Variants in GABRB3 observed in about 807,000 individuals in gnomAD.
GABRB3 encodes the protein gamma-aminobutyric acid type A receptor subunit beta3.
GABRB3 carries 14 observed loss-of-function variants against 52.1 expected under a neutral mutation model. That is an observed-to-expected ratio of 0.27 (90% CI 0.18 to 0.42). The LOEUF (loss-of-function observed/expected upper bound fraction) is 0.42. Ranked by LOEUF, GABRB3 falls within the 10% of genes least tolerant of loss-of-function variation. GABRB3 has a pLI of 1.00. For missense variants in GABRB3, 307 were observed against 609.1 expected (o/e 0.50, Z 5.22); for synonymous variants, 260 against 232.3 (o/e 1.12, Z -1.08).
intron 3 of GABRB3, among the ~76,000 whole-genome samples, chr15:26,710,779 T>A (rs544294005): frequency 6.6e-6 from 1 of 152,064 alleles, no homozygotes; most frequent in South Asian, 2.1e-4. Flanking sequence ...CTGGGTTGTG[T>A]CTTCTTACTA....
chr15:26,592,218 A>C (rs1470828142), intron 4 of GABRB3, among the ~76,000 whole-genome samples: 2 of 152,220 alleles, frequency 1.3e-5, no homozygotes, highest in African/African-American at 4.8e-5. Flanking sequence ...CCAGACAGAA[A>C]GACCTACCCT....
chr15:26,747,011 C>T (rs546911824), intron 3 of GABRB3, among the ~76,000 whole-genome samples: 30 of 142,214 alleles, frequency 2.1e-4, no homozygotes, highest in African/African-American at 5.3e-4. Flanking sequence ...AACAAACAAA[C>T]AAACAAATAA....
chr15:26,660,342 T>C (rs1807417686), intron 3 of GABRB3, among the ~76,000 whole-genome samples: 1 of 152,246 alleles, frequency 6.6e-6, no homozygotes. Context: ...ACCGAATGTG[T>C]GTAATAAACA....
chr15:26,744,226 T>C (rs756717265), intron 3 of GABRB3, among the ~76,000 whole-genome samples: 4 of 152,196 alleles, frequency 2.6e-5, no homozygotes, highest in Non-Finnish European at 4.4e-5. Context: ...TATTTGAATT[T>C]GATATTAAAA....
chr15:26,703,573 A>C (rs908312942), intron 3 of GABRB3, among the ~76,000 whole-genome samples: 2 of 152,178 alleles, frequency 1.3e-5, no homozygotes, highest in Non-Finnish European at 2.9e-5. Context: ...AAAGTCCAAA[A>C]TCTCATCCAA....
chr15:26,772,995 C>T lies in GABRB3; in HGVS notation c.-33G>A, dbSNP rs1174339178. 2.5e-5 allele frequency: 34 copies of T among 1,335,532 alleles called. No homozygotes were observed. Among genetic ancestry groups the T allele is most frequent in the African/African-American group, 4.6e-5 (3 of 65,102 alleles). The allele number at this position is 1,335,532 out of a possible 1,614,324, so 82.7% of individuals were successfully genotyped here. ...CCGCGCCCCGGCACGGGGGAGGGGGCGCCCCGCCGCCGTCGCGACCCGCAG... is the reference window on the plus strand; with the variant it reads ...CCGCGCCCCGGCACGGGGGAGGGGGTGCCCCGCCGCCGTCGCGACCCGCAG... On this transcript the variant is annotated 5_prime_UTR_variant, in exon 1 of 9. Coordinates refer to ENST00000311550, the MANE Select transcript of GABRB3 (RefSeq NM_000814.6).
intron 6 of GABRB3, among the ~76,000 whole-genome samples, chr15:26,569,844 C>T (rs1359631765): frequency 6.6e-6 from 1 of 152,174 alleles, no homozygotes; most frequent in African/African-American, 2.4e-5. Context: ...AAACCTTGTC[C>T]TTTCAATTAC....
At chr15:26,746,479 C>T (rs1472319681) in intron 3 of GABRB3, among the ~76,000 whole-genome samples, 1 of 151,638 alleles carries the variant, frequency 6.6e-6, no homozygotes, top group Non-Finnish European at 1.5e-5. Context: ...ATGAATCATG[C>T]TTTTGGTGTT....
In GABRB3 at chr15:26,623,089, G is replaced by A. The variant is rs149814224; in HGVS notation, c.241-1555C>T. Among the ~76,000 whole-genome samples, 24 of 152,188 alleles carry A rather than the reference G, an allele frequency of 1.6e-4. No homozygotes were observed. In the East Asian group the frequency reaches 2.1e-3, roughly 13 times the overall value. ...CCACCACCACCAATTAAAGATTCTC[G>A]CAGAGCAGGTGACACTAAAGATAAC... On this transcript the variant is annotated intron_variant, in intron 3 of 8. Coordinates refer to ENST00000311550, the MANE Select transcript of GABRB3 (RefSeq NM_000814.6).
At position 26,772,643 on chromosome 15, in the gene GABRB3, G is replaced by A. The variant is rs774396227; in HGVS notation, c.172+38C>T. ...TCCGCCCAGGCCGCCGCCGCCGTGG[G>A]TCGCGCTTCCCGCAACGGCCGCGCG... is the stretch of plus-strand genomic sequence containing the variant. On this transcript the variant is annotated intron_variant, in intron 2 of 8. Transcript: ENST00000311550. 3 of 1,506,456 alleles carry A rather than the reference G, an allele frequency of 2.0e-6. No homozygotes were observed. The South Asian group carries it at 3.7e-5, about 18-fold the overall frequency. The allele number at this position is 1,506,456 out of a possible 1,614,324, so 93.3% of individuals were successfully genotyped here.
At chr15:26,572,568 G>C (rs141794439) in intron 6 of GABRB3, among the ~76,000 whole-genome samples, 1 of 152,302 alleles carries the variant, frequency 6.6e-6, no homozygotes, top group Non-Finnish European at 1.5e-5. Context: ...TATTTTTGTA[G>C]CTCCGGTAGA....
intron 4 of GABRB3, among the ~76,000 whole-genome samples, chr15:26,584,970 T>C (rs1176127609): frequency 6.6e-6 from 1 of 151,516 alleles, no homozygotes; most frequent in Non-Finnish European, 1.5e-5. Context: ...AAGATAAGAG[T>C]GGAAGTGCAT....
At chr15:26,711,952 C>G (rs573278583) in intron 3 of GABRB3, among the ~76,000 whole-genome samples, 1 of 152,136 alleles carries the variant, frequency 6.6e-6, no homozygotes, top group African/African-American at 2.4e-5. Context: ...ATTTTAGTAT[C>G]GATCTGAGTA....
intron 3 of GABRB3, among the ~76,000 whole-genome samples, chr15:26,771,199 C>A (rs1323779308): frequency 1.3e-5 from 2 of 152,132 alleles, no homozygotes; most frequent in African/African-American, 2.4e-5. Context: ...TGTATATATT[C>A]ATATATCTGT....
chr15:26,705,312 C>T (rs959375421), intron 3 of GABRB3, among the ~76,000 whole-genome samples: 1 of 152,138 alleles, frequency 6.6e-6, no homozygotes, highest in Admixed American at 6.5e-5. Context: ...AGGGAAGAAG[C>T]CTCACCACCT....
intron 4 of GABRB3, among the ~76,000 whole-genome samples, chr15:26,591,171 A>G (rs1891189775): frequency 6.6e-6 from 1 of 152,186 alleles, no homozygotes; most frequent in Admixed American, 6.5e-5. Context: ...ACACACAAGC[A>G]ATGAGCACTT....
rs757856929 is a variant in GABRB3 at position 26,561,070 on chromosome 15, G to A, written c.942C>T (p.Phe314=). ...CCAGAAGGGCCAGGAACACAAAGACGAAGCAGCCCATAAGGTACATGTCAA... is the reference window on the plus strand; with the variant it reads ...CCAGAAGGGCCAGGAACACAAAGACAAAGCAGCCCATAAGGTACATGTCAA... ...KAIDMYLMGC[F]VFVFLALLEY... The change falls in exon 8 of 9, where the codon TTC becomes TTT. Residue 314 remains phenylalanine, a synonymous_variant. Transcript: ENST00000311550. 23 of 1,614,062 alleles carry A rather than the reference G, an allele frequency of 1.4e-5. No homozygotes were observed. The highest frequency in any genetic ancestry group is 1.1e-4 in the East Asian group (5 of 44,872).
chr15:26,729,534 G>A (rs1474839426), intron 3 of GABRB3, among the ~76,000 whole-genome samples: 1 of 152,314 alleles, frequency 6.6e-6, no homozygotes, highest in Admixed American at 6.5e-5. Flanking sequence ...AACCCCTGCA[G>A]AAGAAGCCTT....
At chr15:26,608,207 G>C (rs1482914245) in intron 4 of GABRB3, among the ~76,000 whole-genome samples, 1 of 151,684 alleles carries the variant, frequency 6.6e-6, no homozygotes, top group Non-Finnish European at 1.5e-5. Context: ...TATGCAATGG[G>C]AAAAGAATAA....
Sources: gnomAD v4.1 joint callset for allele counts (sites outside exome capture counted in the v4.1 genomes callset) on GRCh38, gnomAD v4.1.1 for gene constraint, MANE v1.5 for transcripts, NCBI Gene and HGNC (gene_info 2026-07-23, HGNC 2026-07-21) for gene names.